NXPH1: variants seen among roughly 807,000 people sequenced by gnomAD.
NXPH1 encodes neurexophilin 1, also known as neurexophilin-1.
NXPH1 carries 5 observed loss-of-function variants against 23.7 expected under a neutral mutation model. That is an observed-to-expected ratio of 0.21 (90% CI 0.11 to 0.44). The LOEUF is 0.44. NXPH1 is among the 20% of genes least tolerant of loss of function. The pLI is 0.99. For missense variants in NXPH1, 324 were observed against 321.6 expected, an observed-to-expected ratio of 1.01 and a Z score of -0.06; for synonymous variants, 144 against 122.2, an observed-to-expected ratio of 1.18 and a Z score of -1.18.
intron 2 of NXPH1, among the ~76,000 whole-genome samples, chr7:8,477,273 T>C (rs1245807477): frequency 2.0e-5 from 3 of 152,112 alleles, no homozygotes; most frequent in Non-Finnish European, 1.5e-5. Context: ...CTTGTATACA[T>C]TGTGTTTTAC....
At chr7:8,740,664 T>C (rs1191031049) in intron 2 of NXPH1, among the ~76,000 whole-genome samples, 1 of 152,176 alleles carries the variant, frequency 6.6e-6, no homozygotes, top group African/African-American at 2.4e-5. Context: ...AAGCACTGCT[T>C]TGCATGAAGG....
chr7:8,441,677 T>C (rs942834050), intron 2 of NXPH1, among the ~76,000 whole-genome samples: 2 of 152,196 alleles, frequency 1.3e-5, no homozygotes, highest in African/African-American at 4.8e-5. Context: ...TCTCAATTAC[T>C]ATGCAAGCTT....
intron 2 of NXPH1, among the ~76,000 whole-genome samples, chr7:8,694,857 G>A (rs899063269): frequency 1.3e-5 from 2 of 152,150 alleles, no homozygotes; most frequent in African/African-American, 4.8e-5. Context: ...AATGAGAAGA[G>A]AGTAAAAAAT....
At chr7:8,438,243 C>T (rs1294641520) in intron 2 of NXPH1, among the ~76,000 whole-genome samples, 1 of 152,230 alleles carries the variant, frequency 6.6e-6, no homozygotes, top group Admixed American at 6.5e-5. Context: ...CTTCTTTCTT[C>T]ATCTATTTCA....
At chr7:8,470,114 A>G (rs1209163889) in intron 2 of NXPH1, among the ~76,000 whole-genome samples, 4 of 152,170 alleles carry the variant, frequency 2.6e-5, no homozygotes, top group Admixed American at 1.3e-4. Flanking sequence ...AAATTGGTTG[A>G]AAGTACTTTT....
At chr7:8,585,639 TATG>T (rs1431759027) in intron 2 of NXPH1, among the ~76,000 whole-genome samples, 1 of 152,222 alleles carries the variant, frequency 6.6e-6, no homozygotes, top group East Asian at 1.9e-4. Flanking sequence ...AATCTGGTAA[TATG>T]ATATGTTTTG....
At chr7:8,524,869 C>T (rs574665768) in intron 2 of NXPH1, among the ~76,000 whole-genome samples, 1 of 152,308 alleles carries the variant, frequency 6.6e-6, no homozygotes, top group East Asian at 1.9e-4. Flanking sequence ...TCCAATTAAA[C>T]TTCTCTTTTT....
intron 2 of NXPH1, among the ~76,000 whole-genome samples, chr7:8,545,362 A>G (rs1818183739): frequency 6.6e-6 from 1 of 151,522 alleles, no homozygotes; most frequent in South Asian, 2.1e-4. Context: ...GTAATTATTT[A>G]TGTTGCTCAA....
chr7:8,749,143 A>C (rs1780522049), intron 2 of NXPH1, among the ~76,000 whole-genome samples: 1 of 152,134 alleles, frequency 6.6e-6, no homozygotes, highest in Non-Finnish European at 1.5e-5. Flanking sequence ...GCTTTCTCTA[A>C]TTCTCCTCAA....
At chr7:8,613,396 A>G (rs1481992476) in intron 2 of NXPH1, among the ~76,000 whole-genome samples, 1 of 152,028 alleles carries the variant, frequency 6.6e-6, no homozygotes, top group Admixed American at 6.6e-5. Context: ...AAATAATGTG[A>G]TAATTAGAAG....
chr7:8,667,348 T>C (rs1430241153), intron 2 of NXPH1, among the ~76,000 whole-genome samples: 5 of 145,816 alleles, frequency 3.4e-5, no homozygotes, highest in Non-Finnish European at 7.6e-5. Context: ...ATTTCAGGTC[T>C]GGTAGTAATT....
chr7:8,713,446 C>G (rs1459978365), intron 2 of NXPH1, among the ~76,000 whole-genome samples: 1 of 152,068 alleles, frequency 6.6e-6, no homozygotes, highest in East Asian at 1.9e-4. Context: ...TGGATTGCTC[C>G]CTGGTGCCTT....
chr7:8,468,501 C>G (rs569418942), intron 2 of NXPH1, among the ~76,000 whole-genome samples: 1 of 151,968 alleles, frequency 6.6e-6, no homozygotes, highest in Non-Finnish European at 1.5e-5. Flanking sequence ...TTTTGCTTTG[C>G]TTTTTGGTTT....
At chr7:8,632,295 C>T (rs1583206566) in intron 2 of NXPH1, among the ~76,000 whole-genome samples, 1 of 152,150 alleles carries the variant, frequency 6.6e-6, no homozygotes, top group East Asian at 1.9e-4. Flanking sequence ...TAAAACATCT[C>T]ATGGCTTTTC....
chr7:8,477,261 T>A (rs570781163), intron 2 of NXPH1, among the ~76,000 whole-genome samples: 3 of 152,162 alleles, frequency 2.0e-5, no homozygotes, highest in African/African-American at 7.2e-5. Context: ...AAGACTGATA[T>A]GCTTGTATAC....
intron 2 of NXPH1, among the ~76,000 whole-genome samples, chr7:8,565,548 G>A (rs564387166): frequency 1.8e-4 from 27 of 151,776 alleles, no homozygotes; most frequent in African/African-American, 6.0e-4. Context: ...ACCTTGTTGT[G>A]TTCTAAACTA....
chr7:8,494,917 A>G (rs558234505), intron 2 of NXPH1, among the ~76,000 whole-genome samples: 1 of 152,026 alleles, frequency 6.6e-6, no homozygotes, highest in African/African-American at 2.4e-5. Flanking sequence ...TCCTGATTGT[A>G]CTCCCACTAA....
intron 2 of NXPH1, among the ~76,000 whole-genome samples, chr7:8,496,296 A>G: frequency 6.6e-6 from 1 of 152,010 alleles, no homozygotes; most frequent in East Asian, 1.9e-4. Context: ...AGGTAGACAA[A>G]TCCAGAAGCC....
chr7:8,496,683 C>A (rs934350346), intron 2 of NXPH1, among the ~76,000 whole-genome samples: 6 of 152,068 alleles, frequency 3.9e-5, no homozygotes, highest in Admixed American at 6.6e-5. Context: ...GGAGAGGGAG[C>A]TCAGCAATTG....
Sources: gnomAD v4.1 joint callset for allele counts (sites outside exome capture counted in the v4.1 genomes callset) on GRCh38, gnomAD v4.1.1 for gene constraint, MANE v1.5 for transcripts, NCBI Gene and HGNC (gene_info 2026-07-23, HGNC 2026-07-21) for gene names.